The following EPHA6 variants were observed in gnomAD, a reference collection of about 807,000 sequenced individuals.
EPHA6 encodes ephrin type-A receptor 6.
A neutral mutation model predicts 112.0 loss-of-function variants in EPHA6; 50 were observed. That is an observed-to-expected ratio of 0.45 (90% CI 0.36 to 0.56). The LOEUF is 0.56. EPHA6 is among the 20% of genes least tolerant of loss of function. The pLI is 0.00. For missense variants in EPHA6, 1,280 were observed against 1,417.4 expected (o/e 0.90, Z 1.56); for synonymous variants, 529 against 490.7 (o/e 1.08, Z -1.03).
intron 4 of EPHA6, among the ~76,000 whole-genome samples, chr3:97,230,761 A>G (rs1186121266): frequency 6.6e-6 from 1 of 152,180 alleles, no homozygotes; most frequent in Non-Finnish European, 1.5e-5. Context: ...TTTAAATACC[A>G]TCTTCAGCTG....
intron 11 of EPHA6, among the ~76,000 whole-genome samples, chr3:97,582,429 A>G (rs1281781428): frequency 1.3e-5 from 2 of 152,106 alleles, no homozygotes; most frequent in African/African-American, 2.4e-5. Context: ...GGACTCGGGG[A>G]GGCATCCACT....
intron 2 of EPHA6, among the ~76,000 whole-genome samples, chr3:96,945,639 A>T (rs1576128398): frequency 3.3e-5 from 5 of 152,322 alleles, no homozygotes; most frequent in Non-Finnish European, 7.3e-5. Context: ...AAGTAAAATG[A>T]TAATTTTAAA....
Position 97,443,550 on chromosome 3 carries a change from G to A in EPHA6, c.1732-5018G>A, listed in dbSNP as rs867236622. Among the ~76,000 whole-genome samples, 147 of 152,094 alleles carry A rather than the reference G, an allele frequency of 9.7e-4. 1 individual carries two copies. Among genetic ancestry groups the A allele is most frequent in the African/African-American group, 3.4e-3 (143 of 41,512 alleles). On this transcript the variant is annotated intron_variant, in intron 6 of 17. Transcript: ENST00000389672. ...ACAAATTCTATTCCCAGGCTTGAAC[G>A]AGAATACTGTATATTCCATGCAAGA...
chr3:97,241,637 T>G (rs1020586540), intron 4 of EPHA6, among the ~76,000 whole-genome samples: 4 of 151,730 alleles, frequency 2.6e-5, no homozygotes, highest in Non-Finnish European at 5.9e-5. Flanking sequence ...TCATTACAGC[T>G]TAATATTTGC....
chr3:97,223,489 A>G (rs1303786400), intron 3 of EPHA6, among the ~76,000 whole-genome samples: 1 of 152,210 alleles, frequency 6.6e-6, no homozygotes, highest in Admixed American at 6.5e-5. Context: ...AGATTCTGGA[A>G]AAGGCCAGTG....
At chr3:97,068,154 C>CAAA (rs1396275493) in intron 3 of EPHA6, among the ~76,000 whole-genome samples, 3 of 60,988 alleles carry the variant, frequency 4.9e-5, no homozygotes, top group African/African-American at 2.0e-4. Context: ...GACTCCATCT[C>CAAA]AAAAAAAAAA....
At chr3:97,238,152 A>T (rs115149091) in intron 4 of EPHA6, among the ~76,000 whole-genome samples, 1 of 152,106 alleles carries the variant, frequency 6.6e-6, no homozygotes, top group African/African-American at 2.4e-5. Context: ...CAGGTTTTCA[A>T]GTGTCTAGAG....
At chr3:97,029,511 A>C (rs1167796141) in intron 3 of EPHA6, among the ~76,000 whole-genome samples, 1 of 152,080 alleles carries the variant, frequency 6.6e-6, no homozygotes, top group Non-Finnish European at 1.5e-5. Flanking sequence ...AAAATAATAC[A>C]TAATGAATGA....
intron 11 of EPHA6, among the ~76,000 whole-genome samples, chr3:97,578,138 C>T (rs565951037): frequency 6.6e-6 from 1 of 152,234 alleles, no homozygotes; most frequent in African/African-American, 2.4e-5. Flanking sequence ...GCCAGACTAT[C>T]AGCATAGAGT....
At chr3:97,424,775 C>T (rs1266465515) in intron 6 of EPHA6, among the ~76,000 whole-genome samples, 1 of 145,322 alleles carries the variant, frequency 6.9e-6, no homozygotes, top group Non-Finnish European at 1.5e-5. Flanking sequence ...CATTGCACTC[C>T]AGCTTGGGCA....
At chr3:97,580,793 G>T (rs907124599) in intron 11 of EPHA6, among the ~76,000 whole-genome samples, 1 of 152,166 alleles carries the variant, frequency 6.6e-6, no homozygotes, top group South Asian at 2.1e-4. Context: ...CGCCTCAGTG[G>T]CATCCAGCTT....
At position 96,997,890 on chromosome 3, in the gene EPHA6, A is replaced by G. The variant is rs561776953; in HGVS notation, c.1114+9897A>G. Among the ~76,000 whole-genome samples, 3 of 152,146 alleles carry G rather than the reference A, an allele frequency of 2.0e-5. No homozygotes were observed. In the East Asian group the frequency reaches 5.8e-4, roughly 29 times the overall value. ...GCCACAAACCTTCTATGTTTAGAAAATGCAATATCTGCAAATTGCAATAAA... is the reference window on the plus strand; with the variant it reads ...GCCACAAACCTTCTATGTTTAGAAAGTGCAATATCTGCAAATTGCAATAAA... On this transcript the variant is annotated intron_variant, in intron 3 of 17. Coordinates refer to ENST00000389672, the MANE Select transcript of EPHA6 (RefSeq NM_001080448.3).
intron 7 of EPHA6, among the ~76,000 whole-genome samples, chr3:97,454,746 T>G (rs973659218): frequency 6.6e-6 from 1 of 151,916 alleles, no homozygotes; most frequent in African/African-American, 2.4e-5. Flanking sequence ...GTCTGTTGGT[T>G]GAAGCACAAT....
At chr3:97,676,803 A>G (rs1441127516) in intron 14 of EPHA6, among the ~76,000 whole-genome samples, 5 of 152,198 alleles carry the variant, frequency 3.3e-5, no homozygotes, top group Non-Finnish European at 7.3e-5. Flanking sequence ...CATTTTGTTG[A>G]AGGTCTCTTC....
chr3:96,914,337 T>C (rs988374447), intron 2 of EPHA6, among the ~76,000 whole-genome samples: 1 of 152,150 alleles, frequency 6.6e-6, no homozygotes, highest in African/African-American at 2.4e-5. Context: ...TTTTAAGTCA[T>C]GTAAAAATAT....
Position 97,576,562 on chromosome 3 carries a change from G to A in EPHA6, c.2387-16050G>A, listed in dbSNP as rs746831266. On this transcript the variant is annotated intron_variant, in intron 11 of 17. Coordinates refer to ENST00000389672, the MANE Select transcript of EPHA6 (RefSeq NM_001080448.3). ...TTTGTCCTTAAGTTGTCTCAAGGTT[G>A]TAGAACTTAAGTGAAAGAAGGATTC... Among the ~76,000 whole-genome samples the A allele has an allele frequency of 3.0e-4, 46 of 152,156 alleles. 1 individual carries two copies. Among genetic ancestry groups the A allele is most frequent in the Non-Finnish European group, 1.3e-4 (9 of 68,018 alleles).
chr3:96,929,573 G>A (rs890212392), intron 2 of EPHA6, among the ~76,000 whole-genome samples: 5 of 152,166 alleles, frequency 3.3e-5, no homozygotes, highest in African/African-American at 7.2e-5. Flanking sequence ...CTGGCTTGTA[G>A]AGTTTCTCCT....
rs576294240 is a variant in EPHA6, at chr3:97,548,836, G to A, written c.2386+16293G>A. On this transcript the variant is annotated intron_variant, in intron 11 of 17. Coordinates refer to ENST00000389672, the MANE Select transcript of EPHA6 (RefSeq NM_001080448.3). ...TAAACAATCACATACAGGTTTTTAT[G>A]TAAACATATACAATCATGCACCCCA... 1.2e-3 allele frequency among the ~76,000 whole-genome samples: 188 copies of A among 152,298 alleles called. 2 individuals are homozygous for A. The highest frequency in any genetic ancestry group is 4.3e-3 in the African/African-American group (180 of 41,560).
At position 96,924,087 on chromosome 3, in the gene EPHA6, A is replaced by G. The variant is rs982629533; in HGVS notation, c.450+57198A>G. 3.3e-5 allele frequency among the ~76,000 whole-genome samples: 5 copies of G among 152,156 alleles called. No individual in the cohort carries two copies. In the South Asian group the frequency reaches 1.0e-3, roughly 32 times the overall value. On this transcript the variant is annotated intron_variant, in intron 2 of 17. Transcript: ENST00000389672. ...TGAAGCCAGATAGTGTGATACCTCTAGATTTTTTCTTTTTCCTTGGGATTG... is the reference window on the plus strand; with the variant it reads ...TGAAGCCAGATAGTGTGATACCTCTGGATTTTTTCTTTTTCCTTGGGATTG...
Sources: allele counts gnomAD v4.1 joint callset (sites outside exome capture counted in the v4.1 genomes callset), GRCh38; gene constraint gnomAD v4.1.1; transcripts MANE v1.5; gene names NCBI Gene and HGNC (gene_info 2026-07-23, HGNC 2026-07-21).